Variants in SLC4A4 observed in about 807,000 individuals in gnomAD.
The protein encoded by SLC4A4 is electrogenic sodium bicarbonate cotransporter 1.
Under a neutral mutation model 111.5 loss-of-function variants are expected in SLC4A4, and 27 were observed. That is an observed-to-expected ratio of 0.24 (90% CI 0.18 to 0.33). SLC4A4 has a LOEUF of 0.33. Among genes scored for constraint, SLC4A4 ranks in the 10% least tolerant of loss-of-function variants. The pLI is 1.00. For missense variants in SLC4A4, 909 were observed against 1,315.5 expected (o/e 0.69, Z 4.78); for synonymous variants, 443 against 463.4 (o/e 0.96, Z 0.57).
At chr4:71,155,232 G>A (rs931013428) in intron 2 of SLC4A4, among the ~76,000 whole-genome samples, 2 of 152,072 alleles carry the variant, frequency 1.3e-5, no homozygotes, top group African/African-American at 4.8e-5. Flanking sequence ...AACAAATTGA[G>A]ATGAAAATAA....
intron 1 of SLC4A4, chr4:71,236,182 C>T: frequency 9.5e-7 from 1 of 1,056,282 alleles, no homozygotes; most frequent in Non-Finnish European, 1.1e-6. Flanking sequence ...AGCTGGATTT[C>T]CACAAACGAT....
intron 2 of SLC4A4, among the ~76,000 whole-genome samples, chr4:71,123,296 A>G (rs551268404): frequency 1.5e-4 from 23 of 152,352 alleles, no homozygotes; most frequent in South Asian, 2.1e-4. Context: ...TGAAAAAGGC[A>G]TATAACCATT....
chr4:71,250,715 C>A (rs1036384192), intron 2 of SLC4A4, among the ~76,000 whole-genome samples: 2 of 151,972 alleles, frequency 1.3e-5, no homozygotes, highest in Non-Finnish European at 2.9e-5. Flanking sequence ...TGTTAGCAGC[C>A]AATGAGGAAG....
At chr4:71,127,225 A>G (rs901827615) in intron 2 of SLC4A4, among the ~76,000 whole-genome samples, 4 of 152,206 alleles carry the variant, frequency 2.6e-5, no homozygotes, top group Non-Finnish European at 4.4e-5. Flanking sequence ...CTTTGTAGAA[A>G]CATATGGCCA....
At chr4:71,307,151 T>C (rs996139314) in intron 3 of SLC4A4, among the ~76,000 whole-genome samples, 2 of 152,234 alleles carry the variant, frequency 1.3e-5, no homozygotes, top group Admixed American at 1.3e-4. Context: ...CTAAGTTTCA[T>C]TAAAGTATTT....
chr4:71,527,320 G>A (rs1202356537), intron 16 of SLC4A4, among the ~76,000 whole-genome samples: 2 of 152,036 alleles, frequency 1.3e-5, no homozygotes, highest in Non-Finnish European at 2.9e-5. Flanking sequence ...ATGAGAAGTG[G>A]CAGGATCCTA....
At chr4:71,533,973 A>G (rs1321406505) in intron 17 of SLC4A4, among the ~76,000 whole-genome samples, 1 of 152,056 alleles carries the variant, frequency 6.6e-6, no homozygotes, top group African/African-American at 2.4e-5. Context: ...AACCATCCCA[A>G]ATATGCAAAA....
At position 71,532,625 on chromosome 4, in the gene SLC4A4, C is replaced by T. The variant is rs115880021; in HGVS notation, c.2280+450C>T. ...GGTTCAAAGAATCCTCCCACATTAG[C>T]CTCCCAAGTAGCTGGTGCTGTAGGC... On this transcript the variant is annotated intron_variant, in intron 17 of 25. Coordinates refer to ENST00000264485, the MANE Select transcript of SLC4A4 (RefSeq NM_001098484.3). Among the ~76,000 whole-genome samples, 1,430 of 152,156 alleles carry T rather than the reference C, an allele frequency of 9.4e-3. 19 individuals are homozygous for T. Among genetic ancestry groups the T allele is most frequent in the African/African-American group, 0.031 (1,302 of 41,506 alleles).
At chr4:71,253,986 C>A (rs1022847654) in intron 2 of SLC4A4, among the ~76,000 whole-genome samples, 9 of 152,068 alleles carry the variant, frequency 5.9e-5, no homozygotes, top group African/African-American at 2.2e-4. Context: ...AGGAAACACC[C>A]CTGCCAATTA....
intron 20 of SLC4A4, among the ~76,000 whole-genome samples, chr4:71,553,957 G>T (rs1031159522): frequency 6.6e-6 from 1 of 151,716 alleles, no homozygotes; most frequent in Non-Finnish European, 1.5e-5. Context: ...AGAAGCATTT[G>T]ATGTTTTGTA....
chr4:71,460,318 G>A (rs1359648675), intron 12 of SLC4A4, among the ~76,000 whole-genome samples: 2 of 151,986 alleles, frequency 1.3e-5, no homozygotes, highest in African/African-American at 4.8e-5. Flanking sequence ...TGGTTTTTGT[G>A]TAAGGTTATA....
chr4:71,300,020 A>G (rs1725099547), intron 3 of SLC4A4, among the ~76,000 whole-genome samples: 1 of 152,234 alleles, frequency 6.6e-6, no homozygotes, highest in South Asian at 2.1e-4. Flanking sequence ...GAACTTGATG[A>G]GAGGGCAGGA....
intron 3 of SLC4A4, among the ~76,000 whole-genome samples, chr4:71,334,847 T>G (rs1248497065): frequency 1.3e-5 from 2 of 152,284 alleles, no homozygotes; most frequent in Non-Finnish European, 2.9e-5. Flanking sequence ...AGAGTAATGC[T>G]CTGTGGAGGA....
At chr4:71,236,256 C>CTTTA in intron 1 of SLC4A4, 1 of 887,112 alleles carries the variant, frequency 1.1e-6, no homozygotes, top group African/African-American at 2.0e-5. Context: ...TTTTTGCTTT[C>CTTTA]ATCCTTTTTA....
At chr4:71,317,794 C>T (rs1214683082) in intron 3 of SLC4A4, among the ~76,000 whole-genome samples, 1 of 151,910 alleles carries the variant, frequency 6.6e-6, no homozygotes, top group African/African-American at 2.4e-5. Context: ...AAGTCTAGAT[C>T]TCCCCACTAC....
chr4:71,462,802 A>C (rs886754703), intron 12 of SLC4A4, among the ~76,000 whole-genome samples: 3 of 152,162 alleles, frequency 2.0e-5, no homozygotes, highest in Non-Finnish European at 2.9e-5. Flanking sequence ...CACCTTACAT[A>C]CATTATCTAT....
intron 1 of SLC4A4, among the ~76,000 whole-genome samples, chr4:71,235,727 A>G (rs988725807): frequency 1.3e-5 from 2 of 152,192 alleles, no homozygotes; most frequent in African/African-American, 4.8e-5. Context: ...CCTTGGATGG[A>G]TTCTGAGGTC....
chr4:71,300,102 G>A (rs918729680), intron 3 of SLC4A4, among the ~76,000 whole-genome samples: 1 of 152,162 alleles, frequency 6.6e-6, no homozygotes, highest in African/African-American at 2.4e-5. Context: ...CTGCACATCT[G>A]CAGAGAATAA....
chr4:71,209,025 A>G (rs1490237996), intron 1 of SLC4A4, among the ~76,000 whole-genome samples: 1 of 152,132 alleles, frequency 6.6e-6, no homozygotes, highest in African/African-American at 2.4e-5. Flanking sequence ...GAATGGCTTT[A>G]TGCTCTTTAT....
Sources: allele counts gnomAD v4.1 joint callset (sites outside exome capture counted in the v4.1 genomes callset), GRCh38; gene constraint gnomAD v4.1.1; transcripts MANE v1.5; gene names NCBI Gene and HGNC (gene_info 2026-07-23, HGNC 2026-07-21).